The following ATF6 variants were observed in gnomAD, a reference collection of about 807,000 sequenced individuals.
ATF6 encodes the protein activating transcription factor 6.
Under a neutral mutation model 83.6 loss-of-function variants are expected in ATF6, and 53 were observed. The ratio of observed to expected loss-of-function variants is 0.63; its 90% CI spans 0.51 to 0.80. The LOEUF (loss-of-function observed/expected upper bound fraction) is 0.80. Ranked by LOEUF, ATF6 falls within the 30% of genes least tolerant of loss-of-function variation. The probability of loss-of-function intolerance (pLI) is 0.00; values close to 1 mark genes in which losing one functional copy is unlikely to be tolerated. For synonymous variants in ATF6, 288 were observed against 285.8 expected, an observed-to-expected ratio of 1.01 and a Z score of -0.08; for missense variants, 744 against 797.9, an observed-to-expected ratio of 0.93 and a Z score of 0.81.
At chr1:161,785,777 A>T (rs1684732180) in intron 4 of ATF6, among the ~76,000 whole-genome samples, 2 of 152,146 alleles carry the variant, frequency 1.3e-5, no homozygotes, top group Non-Finnish European at 2.9e-5. Context: ...ATTTCTCTCT[A>T]TAGGGGTTGT....
intron 15 of ATF6, among the ~76,000 whole-genome samples, chr1:161,913,993 T>C (rs774500524): frequency 6.6e-6 from 1 of 152,226 alleles, no homozygotes; most frequent in Non-Finnish European, 1.5e-5. Context: ...GCCAGGTGAC[T>C]GATTTTTGAA....
At chr1:161,944,715 T>G (rs923548162) in intron 15 of ATF6, among the ~76,000 whole-genome samples, 2 of 152,186 alleles carry the variant, frequency 1.3e-5, no homozygotes, top group African/African-American at 2.4e-5. Context: ...CACTGCCTCC[T>G]CAGAGTTATC....
intron 2 of ATF6, 144 bp from the exon 3 acceptor site, chr1:161,781,768 A>G (rs992819668): frequency 1.8e-6 from 1 of 566,146 alleles, no homozygotes; most frequent in South Asian, 2.2e-5. Flanking sequence ...ATGTATTCTC[A>G]TACAAGACTG....
At chr1:161,860,131 A>G (rs1048226993) in intron 12 of ATF6, 76 bp from the exon 13 acceptor site, 2 of 934,514 alleles carry the variant, frequency 2.1e-6, no homozygotes, top group African/African-American at 3.4e-5. Flanking sequence ...ATTTAAGTAT[A>G]GAATGAACCA....
chr1:161,957,105 G>C (rs1290492182), intron 15 of ATF6, among the ~76,000 whole-genome samples: 1 of 151,726 alleles, frequency 6.6e-6, no homozygotes, highest in African/African-American at 2.4e-5. Context: ...GGAATCTGAA[G>C]ACCAAATGTC....
intron 14 of ATF6, among the ~76,000 whole-genome samples, chr1:161,866,203 A>G (rs1022906876): frequency 6.6e-6 from 1 of 152,166 alleles, no homozygotes; most frequent in Non-Finnish European, 1.5e-5. Context: ...AAGCTATGTT[A>G]TTTTATTTTA....
chr1:161,786,451 A>G (rs2101734178), intron 4 of ATF6, among the ~76,000 whole-genome samples: 1 of 151,980 alleles, frequency 6.6e-6, no homozygotes, highest in Admixed American at 6.5e-5. Context: ...ATTTTTCCCC[A>G]GGTGTACTGT....
At chr1:161,824,968 C>A (rs749299027) in intron 9 of ATF6, among the ~76,000 whole-genome samples, 1 of 152,174 alleles carries the variant, frequency 6.6e-6, no homozygotes, top group African/African-American at 2.4e-5. Flanking sequence ...TTTGTTTACA[C>A]ACTTCTGACA....
intron 7 of ATF6, among the ~76,000 whole-genome samples, chr1:161,815,470 T>A (rs1241983304): frequency 6.6e-6 from 1 of 151,818 alleles, no homozygotes. Context: ...GGATTACAGG[T>A]GTGAGCCACC....
chr1:161,832,629 G>T (rs1686093733), intron 9 of ATF6, among the ~76,000 whole-genome samples: 1 of 152,228 alleles, frequency 6.6e-6, no homozygotes, highest in Non-Finnish European at 1.5e-5. Flanking sequence ...GACTTGGAGG[G>T]TCCTACACCC....
chr1:161,791,922 T>A (rs1684888306), intron 5 of ATF6, among the ~76,000 whole-genome samples: 1 of 152,208 alleles, frequency 6.6e-6, no homozygotes, highest in South Asian at 2.1e-4. Flanking sequence ...AACTGCAGCT[T>A]GGTTAGAAAA....
chr1:161,793,450 T>C (rs1270199798), intron 6 of ATF6, among the ~76,000 whole-genome samples: 1 of 152,230 alleles, frequency 6.6e-6, no homozygotes, highest in East Asian at 1.9e-4. Context: ...TTGTGATTTA[T>C]AAATGTGTAT....
chr1:161,871,163 G>A (rs1687115810), intron 14 of ATF6, among the ~76,000 whole-genome samples: 2 of 151,548 alleles, frequency 1.3e-5, no homozygotes, highest in East Asian at 1.9e-4. Flanking sequence ...TACTAGAGGT[G>A]GGGTTTGCAG....
chr1:161,901,241 G>A (rs371316487), intron 14 of ATF6, among the ~76,000 whole-genome samples: 2 of 152,038 alleles, frequency 1.3e-5, no homozygotes, highest in South Asian at 4.2e-4. Flanking sequence ...CTGAGGTTTA[G>A]GGTATGAATG....
chr1:161,794,892 A>G (rs183933476), intron 6 of ATF6, among the ~76,000 whole-genome samples: 34 of 152,316 alleles, frequency 2.2e-4, no homozygotes, highest in Middle Eastern at 3.4e-3. Context: ...AAAGTGTAGA[A>G]TCTTAGAGAT....
intron 6 of ATF6, among the ~76,000 whole-genome samples, chr1:161,798,626 A>T (rs986689829): frequency 1.2e-4 from 19 of 152,226 alleles, no homozygotes; most frequent in Middle Eastern, 3.4e-3. Context: ...AAAATCAACT[A>T]AAGAGCTTCT....
chr1:161,792,398 T>C (rs897666235), intron 6 of ATF6, 71 bp downstream of exon 6: 12 of 1,436,458 alleles, frequency 8.4e-6, no homozygotes, highest in South Asian at 1.2e-5. Flanking sequence ...TATGATTTGT[T>C]TTAATTCAGG....
chr1:161,944,419 C>G (rs1302791706), intron 15 of ATF6, among the ~76,000 whole-genome samples: 3 of 152,106 alleles, frequency 2.0e-5, no homozygotes, highest in Admixed American at 6.5e-5. Context: ...CTTCACAGCT[C>G]TAATCTTGAA....
Position 161,795,111 on chromosome 1 carries a change from T to G in ATF6, c.688+2784T>G, listed in dbSNP as rs1412673444. Among the ~76,000 whole-genome samples the G allele has an allele frequency of 7.9e-4, 121 of 152,248 alleles. 1 individual carries two copies. Among genetic ancestry groups the G allele is most frequent in the Non-Finnish European group, 1.5e-5 (1 of 68,014 alleles). On this transcript the variant is annotated intron_variant, in intron 6 of 15. Coordinates refer to ENST00000367942, the MANE Select transcript of ATF6 (RefSeq NM_007348.4). ...CAGGTGGTCTGGCTCGGAGTCTATG[T>G]GAATAATCACTATACTGTATCGCCT...
Sources: gnomAD v4.1 joint callset for allele counts (sites outside exome capture counted in the v4.1 genomes callset) on GRCh38, gnomAD v4.1.1 for gene constraint, MANE v1.5 for transcripts, NCBI Gene and HGNC (gene_info 2026-07-23, HGNC 2026-07-21) for gene names.